The following WNT5B variants were observed in gnomAD, a reference collection of about 807,000 sequenced individuals.
WNT5B encodes Wnt family member 5B.
A neutral mutation model predicts 36.5 loss-of-function variants in WNT5B; 18 were observed. The observed-to-expected ratio is 0.49, with a 90% confidence interval of 0.34 to 0.73. WNT5B has a LOEUF of 0.73. Ranked by LOEUF, WNT5B falls within the 30% of genes least tolerant of loss-of-function variation. WNT5B has a pLI of 0.01. For missense variants in WNT5B, 424 were observed against 508.4 expected (o/e 0.83, Z 1.60); for synonymous variants, 213 against 212.3 (o/e 1.00, Z -0.03).
chr12:1,635,626 G>A (rs942092844), intron 3 of WNT5B, among the ~76,000 whole-genome samples: 1 of 152,184 alleles, frequency 6.6e-6, no homozygotes, highest in Non-Finnish European at 1.5e-5. Context: ...AGGGTAGCTC[G>A]GGGCTGAAGC....
Position 1,632,748 on chromosome 12 carries a change from C to A in WNT5B, c.171C>A (p.Gly57=), listed in dbSNP as rs774478024. 2 of 1,614,056 alleles carry A rather than the reference C, an allele frequency of 1.2e-6. No homozygotes were observed. Among genetic ancestry groups the A allele is most frequent in the African/African-American group, 1.3e-5 (1 of 74,920 alleles). Residue 57 remains glycine, a synonymous_variant, in exon 3 of 5, where the codon GGC becomes GGA. Transcript: ENST00000397196. The surrounding 1 kb of genome is among the most constrained non-coding windows in gnomAD (Gnocchi z 5.8). ...GTCAGCTTCCCGGGCTCTCCCCTGG[C>A]CAGAGGAAGCTGTGCCAATTGTACC... ...VCSQLPGLSP[G]QRKLCQLYQE...
intron 1 of WNT5B, among the ~76,000 whole-genome samples, chr12:1,619,018 G>A (rs77236189): frequency 0.016 from 2,483 of 152,148 alleles, 43 homozygotes; most frequent in East Asian, 0.085. Flanking sequence ...CCTTATCACT[G>A]GGAATGGCAC....
chr12:1,640,514 G>A lies in WNT5B; in HGVS notation c.621+538G>A, dbSNP rs536943697. 5.3e-5 allele frequency among the ~76,000 whole-genome samples: 8 copies of A among 152,370 alleles called. No individual in the cohort carries two copies. The South Asian group carries it at 1.7e-3, about 32-fold the overall frequency. On this transcript the variant is annotated intron_variant, in intron 4 of 4. Coordinates refer to ENST00000397196, the MANE Select transcript of WNT5B (RefSeq NM_032642.3). Reference sequence around the variant, plus strand: ...TAGGAGATTTTAGACATAAGTGGAAGTGTGAGAAGACAGCCATCTGTTTAA... The same window carrying A: ...TAGGAGATTTTAGACATAAGTGGAAATGTGAGAAGACAGCCATCTGTTTAA...
In WNT5B at chr12:1,632,884, T is replaced by C. The variant is rs1224623004; in HGVS notation, c.307T>C (p.Phe103Leu). 1.2e-6 allele frequency: 2 copies of C among 1,611,842 alleles called. No individual in the cohort carries two copies. Among genetic ancestry groups the C allele is most frequent in the South Asian group, 1.1e-5 (1 of 91,014 alleles). Residue 103 changes from phenylalanine to leucine, a missense_variant, in exon 3 of 5, where the codon TTT (phenylalanine) becomes CTT (leucine). Physicochemically the swap from Phe to Leu is conservative, Grantham distance 22. Coordinates refer to ENST00000397196, the MANE Select transcript of WNT5B (RefSeq NM_032642.3). This position sits in a 1 kb window ranked among gnomAD's most constrained non-coding sequence, Gnocchi z 5.8. ...CAGCACAGCGGACAACGCATCTGTC[T>C]TTGGGAGAGTCATGCAGATAGGTAA... Reference protein sequence around the residue: ...NCSTADNASVFGRVMQIGSRE... With the variant: ...NCSTADNASVLGRVMQIGSRE...
chr12:1,646,498 C>T lies in WNT5B; in HGVS notation c.*246C>T, dbSNP rs1006360957. ...TTTCTCTCCCTCTGGCGAGGACTCT[C>T]AGGATGTAGGGACTTGGAAATATTT... On this transcript the variant is annotated 3_prime_UTR_variant, in exon 5 of 5. Transcript: ENST00000397196. The T allele has an allele frequency of 2.0e-5, 5 of 244,016 alleles. No individual in the cohort carries two copies. The highest frequency in any genetic ancestry group is 3.9e-5 in the Non-Finnish European group (5 of 129,254). 15.1% of individuals were successfully genotyped at this position (244,016 alleles called of 1,614,324 possible).
chr12:1,639,803 A>G lies in WNT5B; in HGVS notation c.448A>G (p.Lys150Glu). Reference protein sequence around the residue: ...TCGCSRTARPKDLPRDWLWGG... With the variant: ...TCGCSRTARPEDLPRDWLWGG... ...CGGCTGCAGCCGGACGGCGCGGCCC[A>G]AGGACCTGCCCCGGGACTGGCTGTG... Residue 150 changes from lysine (K) to glutamate (E), a missense_variant, in exon 4 of 5, where the codon AAG becomes GAG. Coordinates refer to ENST00000397196, the MANE Select transcript of WNT5B (RefSeq NM_032642.3). 1.2e-6 allele frequency: 2 copies of G among 1,613,146 alleles called. No individual in the cohort carries two copies. The highest frequency in any genetic ancestry group is 1.1e-5 in the South Asian group (1 of 91,064).
chr12:1,634,524 G>A (rs1433572827), intron 3 of WNT5B, among the ~76,000 whole-genome samples: 3 of 152,206 alleles, frequency 2.0e-5, no homozygotes, highest in Non-Finnish European at 2.9e-5. Flanking sequence ...TGCACTAGGT[G>A]GCCAGCGAAA....
chr12:1,624,097 A>G (rs1301176970), intron 1 of WNT5B, among the ~76,000 whole-genome samples: 1 of 152,166 alleles, frequency 6.6e-6, no homozygotes, highest in Non-Finnish European at 1.5e-5. Flanking sequence ...CAACGAAGAA[A>G]AGAAAGAGGC....
rs148958915 is a variant in WNT5B, at chr12:1,637,463, C to T, written c.329-2221C>T. ...TATAAAAGTTATGCTGCGGGCCGGG[C>T]GCGGTGGCTCACGCCTGAAATCCCA... is the stretch of plus-strand genomic sequence containing the variant. On this transcript the variant is annotated intron_variant, in intron 3 of 4. Transcript: ENST00000397196. 2.8e-3 allele frequency among the ~76,000 whole-genome samples: 430 copies of T among 151,986 alleles called. 1 individual carries two copies. The highest frequency in any genetic ancestry group is 2.8e-3 in the Non-Finnish European group (192 of 67,998).
intron 4 of WNT5B, among the ~76,000 whole-genome samples, chr12:1,643,968 T>C (rs980728417): frequency 6.6e-6 from 1 of 152,158 alleles, no homozygotes; most frequent in Non-Finnish European, 1.5e-5. Context: ...GTCCTTGCCC[T>C]GCAGGGTCTT....
upstream of WNT5B, among the ~76,000 whole-genome samples, chr12:1,627,520 G>A (rs1313195583): frequency 6.6e-6 from 1 of 152,194 alleles, no homozygotes; most frequent in African/African-American, 2.4e-5. The surrounding 1 kb of genome is among the most constrained non-coding windows in gnomAD (Gnocchi z 5.0). Context: ...AGCTTTACCT[G>A]TCCCGGTCTC....
chr12:1,639,670 G>A lies in WNT5B; in HGVS notation c.329-14G>A. ...GAGAGCGCACCCGCTTACCGCCCTG[G>A]CCTCATTCTGCAGGCAGCCGAGAGA... On this transcript the variant is annotated splice_polypyrimidine_tract_variant and intron_variant, in intron 3 of 4. Coordinates refer to ENST00000397196, the MANE Select transcript of WNT5B (RefSeq NM_032642.3). The A allele has an allele frequency of 6.6e-7, 1 of 1,526,588 alleles. No individual in the cohort carries two copies. Among genetic ancestry groups the A allele is most frequent in the Non-Finnish European group, 8.7e-7 (1 of 1,146,996 alleles). 94.6% of individuals were successfully genotyped at this position (1,526,588 alleles called of 1,614,324 possible).
At position 1,645,987 on chromosome 12, in the gene WNT5B, A is replaced by G. The variant is rs754723448; in HGVS notation, c.815A>G (p.Gln272Arg). The G allele has an allele frequency of 6.2e-7, 1 of 1,611,660 alleles. No homozygotes were observed. Among genetic ancestry groups the G allele is most frequent in the Non-Finnish European group, 8.5e-7 (1 of 1,179,850 alleles). Residue 272 changes from glutamine to arginine, a missense_variant, in exon 5 of 5, where the codon CAG becomes CGG. Coordinates refer to ENST00000397196, the MANE Select transcript of WNT5B (RefSeq NM_032642.3). ...RLELVNSRFTQPTPEDLVYVD... is the reference protein window; with the variant it reads ...RLELVNSRFTRPTPEDLVYVD... ...GAGCTGGTCAACAGCCGCTTCACCC[A>G]GCCCACCCCGGAGGACCTGGTCTAT...
Position 1,646,127 on chromosome 12 carries a change from T to C in WNT5B, c.955T>C (p.Cys319Arg). The stretch of plus-strand genomic sequence containing the variant: ...CATGGATGGCTGTGAGCTCATGTGC[T>C]GCGGGCGTGGCTACAACCAGTTCAA... ...EGMDGCELMC[C>R]GRGYNQFKSV... Residue 319 changes from cysteine (C) to arginine (R), a missense_variant, in exon 5 of 5, where the codon TGC becomes CGC. Cys to Arg is a radical substitution (Grantham distance 180). Transcript: ENST00000397196. 1 of 1,614,002 alleles carries C rather than the reference T, an allele frequency of 6.2e-7. No individual in the cohort carries two copies. Among genetic ancestry groups the C allele is most frequent in the Non-Finnish European group, 8.5e-7 (1 of 1,180,038 alleles).
intron 1 of WNT5B, among the ~76,000 whole-genome samples, chr12:1,619,422 A>G (rs1029628): frequency 0.52 from 78,455 of 151,962 alleles, 20,793 homozygotes; most frequent in Middle Eastern, 0.66. Flanking sequence ...CTCGGGAGAA[A>G]TAATTAAGGC....
At chr12:1,627,911 ATTTG>A (rs2094543420), upstream of WNT5B, among the ~76,000 whole-genome samples, 1 of 152,106 alleles carries the variant, frequency 6.6e-6, no homozygotes, top group African/African-American at 2.4e-5. The surrounding 1 kb of genome is among the most constrained non-coding windows in gnomAD (Gnocchi z 5.0). Flanking sequence ...CTTATGATAC[ATTTG>A]TTTGTTCACT....
chr12:1,624,309 CG>C (rs2094538158), upstream of WNT5B, among the ~76,000 whole-genome samples: 1 of 137,824 alleles, frequency 7.3e-6, no homozygotes. Context: ...TCACTTGAAT[CG>C]GGAGGCGGAG....
In WNT5B at chr12:1,645,943, C is replaced by T. The variant is rs2094584615; in HGVS notation, c.771C>T (p.Val257=). 2 of 1,610,138 alleles carry T rather than the reference C, an allele frequency of 1.2e-6. No individual in the cohort carries two copies. Among genetic ancestry groups the T allele is most frequent in the Admixed American group, 1.7e-5 (1 of 59,980 alleles). ...EKYDSAAAMR[V]TRKGRLELVN... is the part of the protein sequence containing the mutation. ...ACGACAGCGCGGCCGCCATGCGCGT[C>T]ACCCGCAAGGGCCGGCTGGAGCTGG... The change falls in exon 5 of 5, where the codon GTC becomes GTT. Residue 257 remains valine (V), a synonymous_variant. Coordinates refer to ENST00000397196, the MANE Select transcript of WNT5B (RefSeq NM_032642.3).
intron 1 of WNT5B, among the ~76,000 whole-genome samples, chr12:1,621,920 C>T (rs1175625819): frequency 6.6e-6 from 1 of 151,974 alleles, no homozygotes; most frequent in African/African-American, 2.4e-5. Flanking sequence ...TATTGAAGTC[C>T]TCCTTCATTG....
Sources: allele counts gnomAD v4.1 joint callset (sites outside exome capture counted in the v4.1 genomes callset), GRCh38; gene constraint gnomAD v4.1.1; non-coding constraint Gnocchi (gnomAD v3.1); transcripts MANE v1.5; gene names NCBI Gene and HGNC (gene_info 2026-07-23, HGNC 2026-07-21).